The following FAM107B variants were observed in gnomAD, a reference collection of about 807,000 sequenced individuals.
FAM107B encodes the protein protein FAM107B.
In FAM107B, 21 loss-of-function variants were observed where a neutral mutation model predicts 31.5. The observed-to-expected ratio is 0.67, with a 90% CI of 0.47 to 0.96. FAM107B has a LOEUF of 0.96. FAM107B is among the 40% of genes least tolerant of loss of function. The pLI is 0.00. For synonymous variants in FAM107B, 157 were observed against 141.5 expected, an observed-to-expected ratio of 1.11 and a Z score of -0.78; for missense variants, 452 against 377.1, an observed-to-expected ratio of 1.20 and a Z score of -1.64.
At chr10:14,677,923 G>A (rs1263895462) in intron 1 of FAM107B, among the ~76,000 whole-genome samples, 1 of 152,204 alleles carries the variant, frequency 6.6e-6, no homozygotes, top group Non-Finnish European at 1.5e-5. Flanking sequence ...TCCTAATGAT[G>A]GGCGGGTGTT....
At chr10:14,683,751 A>G (rs1222031456) in intron 1 of FAM107B, among the ~76,000 whole-genome samples, 5 of 152,224 alleles carry the variant, frequency 3.3e-5, no homozygotes, top group Admixed American at 3.3e-4. Context: ...AGTCCTCTGT[A>G]AACACTTGTC....
At chr10:14,553,395 A>T in intron 2 of FAM107B, 1 of 1,269,118 alleles carries the variant, frequency 7.9e-7, no homozygotes, top group South Asian at 1.3e-5. Context: ...CTCCTTTAAA[A>T]AAAAAACATA....
intron 2 of FAM107B, among the ~76,000 whole-genome samples, chr10:14,578,935 C>T (rs772436685): frequency 2.0e-5 from 3 of 152,146 alleles, no homozygotes; most frequent in Non-Finnish European, 4.4e-5. Context: ...AGCATGTTTT[C>T]GTTCAAACGC....
chr10:14,572,739 T>TTTATATATATATATATATATATATA (rs1325278545), intron 2 of FAM107B, among the ~76,000 whole-genome samples: 4 of 91,990 alleles, frequency 4.3e-5, no homozygotes, highest in Non-Finnish European at 8.9e-5. Context: ...AAAAAAAAAT[T>TTTATATATATATATATATATATATA]TATATATATA....
At chr10:14,678,898 A>G (rs1426787050) in intron 1 of FAM107B, among the ~76,000 whole-genome samples, 3 of 152,188 alleles carry the variant, frequency 2.0e-5, no homozygotes, top group South Asian at 2.1e-4. Flanking sequence ...ATTCTAAAAC[A>G]TGCTGAGTGA....
chr10:14,659,161 C>A (rs748774137), intron 2 of FAM107B, among the ~76,000 whole-genome samples: 1 of 151,808 alleles, frequency 6.6e-6, no homozygotes, highest in Non-Finnish European at 1.5e-5. Context: ...TCTGCCCTGG[C>A]TGGGCACGGT....
chr10:14,602,853 A>G (rs1588651459), intron 2 of FAM107B: 1 of 152,180 alleles, frequency 6.6e-6, no homozygotes, highest in Non-Finnish European at 1.5e-5. Context: ...ATGCAAACCT[A>G]TAAGAAAATA....
chr10:14,527,994 CTTT>C, intron 3 of FAM107B: 1 of 346,428 alleles, frequency 2.9e-6, no homozygotes, highest in Non-Finnish European at 5.5e-6. Context: ...TGAAATCTGC[CTTT>C]TCTTTTTTTT....
chr10:14,560,098 CAG>C (rs1036595417), intron 2 of FAM107B, among the ~76,000 whole-genome samples: 1 of 152,184 alleles, frequency 6.6e-6, no homozygotes, highest in Non-Finnish European at 1.5e-5. Context: ...TCCAGACCAT[CAG>C]AGAGTTTTAG....
chr10:14,685,794 G>A (rs1854969612), intron 1 of FAM107B, among the ~76,000 whole-genome samples: 1 of 152,186 alleles, frequency 6.6e-6, no homozygotes, highest in Non-Finnish European at 1.5e-5. Flanking sequence ...TCACACCGCT[G>A]ATAAAGACAT....
intron 2 of FAM107B, among the ~76,000 whole-genome samples, chr10:14,650,148 C>G (rs1332005350): frequency 6.6e-6 from 1 of 152,086 alleles, no homozygotes; most frequent in East Asian, 1.9e-4. Context: ...CTAGCAAAAG[C>G]ATGAAAGCCT....
intron 2 of FAM107B, among the ~76,000 whole-genome samples, chr10:14,569,709 T>G (rs1432238812): frequency 2.0e-5 from 3 of 152,184 alleles, no homozygotes; most frequent in Admixed American, 6.5e-5. Context: ...ACTTAAGACC[T>G]TGAGGGAAAC....
At chr10:14,677,579 C>T (rs1854718937) in intron 1 of FAM107B, among the ~76,000 whole-genome samples, 1 of 152,092 alleles carries the variant, frequency 6.6e-6, no homozygotes, top group Non-Finnish European at 1.5e-5. Context: ...AGAGATGGCG[C>T]CACTGCACTC....
intron 1 of FAM107B, among the ~76,000 whole-genome samples, chr10:14,703,212 A>T (rs1305247701): frequency 1.3e-5 from 2 of 152,038 alleles, no homozygotes; most frequent in African/African-American, 4.8e-5. Context: ...CCTAATCATC[A>T]GCCTTTGTCA....
chr10:14,595,834 C>T (rs187878808), intron 2 of FAM107B, among the ~76,000 whole-genome samples: 2 of 152,334 alleles, frequency 1.3e-5, no homozygotes, highest in East Asian at 3.9e-4. Flanking sequence ...ATGCCTTTCT[C>T]TCTTGTATCA....
At chr10:14,596,739 C>T (rs1176013919) in intron 2 of FAM107B, among the ~76,000 whole-genome samples, 1 of 152,152 alleles carries the variant, frequency 6.6e-6, no homozygotes, top group Non-Finnish European at 1.5e-5. Flanking sequence ...GATGATGTAG[C>T]TGATTCTCTT....
At chr10:14,761,747 TCCACCACA>T (rs892395809) in intron 1 of FAM107B, among the ~76,000 whole-genome samples, 8 of 151,942 alleles carry the variant, frequency 5.3e-5, no homozygotes, top group Admixed American at 6.6e-5. Flanking sequence ...ACAGATGTGC[TCCACCACA>T]CCTGGCTAAT....
rs546509714 is a variant in FAM107B, at chr10:14,730,326, C to T, written c.411+43927G>A. On this transcript the variant is annotated intron_variant, in intron 1 of 4. Coordinates refer to ENST00000181796, the MANE Select transcript of FAM107B (RefSeq NM_031453.4). ...GGTGAGTTTAATGTGAAACCAAAGA[C>T]GAGAACCACTGAACTATGGTGAGGG... 1.2e-4 allele frequency among the ~76,000 whole-genome samples: 18 copies of T among 152,274 alleles called. No individual in the cohort carries two copies. The South Asian group carries it at 2.7e-3, about 23-fold the overall frequency.
intron 2 of FAM107B, among the ~76,000 whole-genome samples, chr10:14,552,205 T>C (rs1377049042): frequency 1.3e-5 from 2 of 152,122 alleles, no homozygotes; most frequent in Non-Finnish European, 2.9e-5. Context: ...AAGATCTTGG[T>C]GGGAACCACA....
Sources: allele counts gnomAD v4.1 joint callset (sites outside exome capture counted in the v4.1 genomes callset), GRCh38; gene constraint gnomAD v4.1.1; transcripts MANE v1.5; gene names NCBI Gene and HGNC (gene_info 2026-07-23, HGNC 2026-07-21).